The following PCNX2 variants were observed in gnomAD, a reference collection of about 807,000 sequenced individuals.
PCNX2 encodes pecanex 2.
A neutral mutation model predicts 223.8 loss-of-function variants in PCNX2; 168 were observed. That is an observed-to-expected ratio of 0.75 (90% confidence interval 0.66 to 0.85). The LOEUF (loss-of-function observed/expected upper bound fraction) is 0.85. PCNX2 is among the 40% of genes least tolerant of loss of function. The pLI is 0.00. For missense variants in PCNX2, 2,507 were observed against 2,675.5 expected (o/e 0.94, Z 1.39); for synonymous variants, 1,006 against 1,052.6 (o/e 0.96, Z 0.86).
At chr1:233,156,335 A>G (rs1558290814) in intron 19 of PCNX2, among the ~76,000 whole-genome samples, 1 of 152,236 alleles carries the variant, frequency 6.6e-6, no homozygotes, top group African/African-American at 2.4e-5. Flanking sequence ...GCAGAAAGGA[A>G]AGTAAGCCAA....
intron 17 of PCNX2, 39 bp downstream of exon 17, chr1:233,177,763 G>A: frequency 6.5e-7 from 1 of 1,531,658 alleles, no homozygotes; most frequent in Non-Finnish European, 9.0e-7. Context: ...TGAAAGATGA[G>A]GCCCTCCTAT....
intron 21 of PCNX2, among the ~76,000 whole-genome samples, chr1:233,128,849 G>C (rs1676256054): frequency 6.6e-6 from 1 of 152,238 alleles, no homozygotes. Context: ...AGAGAGGGAA[G>C]GGATCGAGGA....
At chr1:233,213,309 C>T (rs145924802) in intron 12 of PCNX2, among the ~76,000 whole-genome samples, 7 of 152,058 alleles carry the variant, frequency 4.6e-5, no homozygotes, top group African/African-American at 1.2e-4. Context: ...AGAGACAAGA[C>T]GGCTATTATA....
chr1:233,006,191 CA>C (rs1297812803), intron 28 of PCNX2, among the ~76,000 whole-genome samples: 1 of 152,138 alleles, frequency 6.6e-6, no homozygotes, highest in African/African-American at 2.4e-5. Context: ...AGAAAAATGT[CA>C]CGCTTTCAGA....
intron 17 of PCNX2, among the ~76,000 whole-genome samples, chr1:233,163,800 G>A (rs1678637617): frequency 6.6e-6 from 1 of 151,908 alleles, no homozygotes; most frequent in African/African-American, 2.4e-5. Context: ...CATAAAATAT[G>A]TATGGTCTGG....
intron 8 of PCNX2, among the ~76,000 whole-genome samples, chr1:233,248,391 G>C (rs1340164132): frequency 6.6e-6 from 1 of 152,010 alleles, no homozygotes; most frequent in Non-Finnish European, 1.5e-5. Flanking sequence ...GAACCAATCA[G>C]ACACAATGAG....
At chr1:233,283,872 A>C (rs1282277373) in intron 1 of PCNX2, among the ~76,000 whole-genome samples, 1 of 152,122 alleles carries the variant, frequency 6.6e-6, no homozygotes, top group Non-Finnish European at 1.5e-5. Context: ...TCCAGGTTTC[A>C]CTCCACAGAT....
chr1:233,002,178 T>C (rs1670112773), intron 28 of PCNX2, among the ~76,000 whole-genome samples: 1 of 152,108 alleles, frequency 6.6e-6, no homozygotes, highest in South Asian at 2.1e-4. Context: ...TAAAACTAAA[T>C]TAAATGTCAA....
chr1:233,295,496 G>A lies in PCNX2; in HGVS notation c.-18C>T, dbSNP rs1440387678. 1.3e-6 allele frequency: 2 copies of A among 1,541,520 alleles called. No individual in the cohort carries two copies. The highest frequency in any genetic ancestry group is 1.4e-5 in the African/African-American group (1 of 72,780). On this transcript the variant is annotated 5_prime_UTR_variant, in exon 1 of 34. Coordinates refer to ENST00000258229, the MANE Select transcript of PCNX2 (RefSeq NM_014801.4). The surrounding 1 kb of genome is among the most constrained non-coding windows in gnomAD (Gnocchi z 4.1). ...GACACCATGCCGGCTGCGCCCCGGG[G>A]CTGGTGAGCGCCCCGCTGCACCCTG...
At chr1:233,176,938 G>A (rs1679508833) in intron 17 of PCNX2, among the ~76,000 whole-genome samples, 1 of 152,152 alleles carries the variant, frequency 6.6e-6, no homozygotes, top group African/African-American at 2.4e-5. Flanking sequence ...TGTGAACCTG[G>A]GAGGCGGAGC....
chr1:233,038,371 A>T (rs1398603509), intron 25 of PCNX2, among the ~76,000 whole-genome samples: 1 of 152,200 alleles, frequency 6.6e-6, no homozygotes, highest in Non-Finnish European at 1.5e-5. Flanking sequence ...TAAATATTCT[A>T]ATTAAAGAAT....
intron 10 of PCNX2, among the ~76,000 whole-genome samples, chr1:233,224,469 A>G (rs1208709966): frequency 6.6e-6 from 1 of 152,242 alleles, no homozygotes; most frequent in Non-Finnish European, 1.5e-5. Flanking sequence ...ATGGGAGTTT[A>G]TAGCAATGAT....
intron 23 of PCNX2, among the ~76,000 whole-genome samples, chr1:233,061,502 C>T (rs1274496105): frequency 6.6e-6 from 1 of 152,166 alleles, no homozygotes; most frequent in Non-Finnish European, 1.5e-5. Context: ...GACCTCCAGC[C>T]TTACTGGGCC....
At chr1:233,040,205 A>G (rs1306093124) in intron 25 of PCNX2, among the ~76,000 whole-genome samples, 1 of 152,198 alleles carries the variant, frequency 6.6e-6, no homozygotes, top group Non-Finnish European at 1.5e-5. Flanking sequence ...GATTTCTGGA[A>G]AACAGATCTC....
intron 19 of PCNX2, among the ~76,000 whole-genome samples, chr1:233,143,402 A>G (rs903252828): frequency 4.6e-5 from 7 of 152,224 alleles, no homozygotes; most frequent in African/African-American, 1.7e-4. Flanking sequence ...GACATTCTAC[A>G]TTTCTAATAA....
intron 5 of PCNX2, 23 bp from the exon 6 acceptor site, chr1:233,252,811 T>C: frequency 6.4e-7 from 1 of 1,555,852 alleles, no homozygotes; most frequent in Non-Finnish European, 8.7e-7. Flanking sequence ...GCTTTACTTG[T>C]TAATTTAATA....
chr1:233,016,751 TCTC>T, intron 27 of PCNX2, 167 bp downstream of exon 27: 1 of 974,864 alleles, frequency 1.0e-6, no homozygotes. Flanking sequence ...GTATATTGAT[TCTC>T]CTATTTAATT....
chr1:233,187,658 C>T (rs1476789945), intron 15 of PCNX2, among the ~76,000 whole-genome samples: 2 of 152,160 alleles, frequency 1.3e-5, no homozygotes. Flanking sequence ...TCAGCTGACA[C>T]CATCAAGCTT....
At position 233,258,545 on chromosome 1, in the gene PCNX2, C is replaced by T. The variant is rs1659861611; in HGVS notation, c.1317G>A (p.Gly439=). Residue 439 remains glycine, a synonymous_variant, in exon 5 of 34, where the codon GGG becomes GGA. Transcript: ENST00000258229. ...CTTCGGGACAGGGAACACCTCCTCC[C>T]CCACCCTCAGGCAGGTCCAGGGTGA... ...PVITLDLPEG[G]GGGVPCPEGN... 6.2e-7 allele frequency: 1 copy of T among 1,613,902 alleles called. No homozygotes were observed. The highest frequency in any genetic ancestry group is 1.7e-5 in the Admixed American group (1 of 60,008).
Sources: gnomAD v4.1 joint callset for allele counts (sites outside exome capture counted in the v4.1 genomes callset) on GRCh38, gnomAD v4.1.1 for gene constraint, Gnocchi (gnomAD v3.1) non-coding constraint, MANE v1.5 for transcripts, NCBI Gene and HGNC (gene_info 2026-07-23, HGNC 2026-07-21) for gene names.